The following NOS1 variants were observed in gnomAD, a reference collection of about 807,000 sequenced individuals.
NOS1 encodes NOS type I.
A neutral mutation model predicts 164.5 loss-of-function variants in NOS1; 51 were observed. The observed-to-expected ratio is 0.31, with a 90% confidence interval of 0.25 to 0.39. The LOEUF is 0.39. NOS1 is among the 10% of genes least tolerant of loss of function. The pLI is 1.00. For missense variants in NOS1, 1,362 were observed against 1,885.6 expected, an observed-to-expected ratio of 0.72 and a Z score of 5.14; for synonymous variants, 719 against 745.8, an observed-to-expected ratio of 0.96 and a Z score of 0.59.
intron 17 of NOS1, among the ~76,000 whole-genome samples, chr12:117,251,246 C>G (rs184198708): frequency 1.8e-4 from 28 of 152,234 alleles, no homozygotes; most frequent in South Asian, 2.1e-4. Flanking sequence ...CCACTAGAAC[C>G]GTGAGAAATA....
intron 1 of NOS1, among the ~76,000 whole-genome samples, chr12:117,346,622 A>G (rs373287702): frequency 2.3e-4 from 35 of 152,298 alleles, no homozygotes; most frequent in African/African-American, 8.4e-4. Context: ...CAGCAGCATC[A>G]CCTGGGAGCA....
chr12:117,252,440 A>C (rs1592952808), intron 17 of NOS1, among the ~76,000 whole-genome samples: 1 of 152,328 alleles, frequency 6.6e-6, no homozygotes, highest in Non-Finnish European at 1.5e-5. Context: ...TAAGGGAAAA[A>C]TGGGTCTGAC....
intron 15 of NOS1, among the ~76,000 whole-genome samples, chr12:117,258,720 T>C (rs1211597019): frequency 6.6e-6 from 1 of 152,144 alleles, no homozygotes; most frequent in African/African-American, 2.4e-5. Context: ...TATAAAAATA[T>C]TGTCCCCATG....
intron 9 of NOS1, among the ~76,000 whole-genome samples, chr12:117,276,961 C>A (rs935364021): frequency 2.6e-5 from 4 of 152,136 alleles, no homozygotes; most frequent in African/African-American, 9.7e-5. Context: ...GTACAGATAT[C>A]TCTTCGATAT....
rs1203554556 is a variant in NOS1, at chr12:117,330,688, G to A, written c.382C>T (p.Pro128Ser). 6.2e-7 allele frequency: 1 copy of A among 1,613,540 alleles called. No individual in the cohort carries two copies. The highest frequency in any genetic ancestry group is 1.1e-5 in the South Asian group (1 of 91,066). ...GACAGATCCACGGCTTTGGTGGGGG[G>A]ACCCAGGGGCTGTGTCACCCGGATG... ...KTIRVTQPLG[P>S]PTKAVDLSHQ... Residue 128 changes from proline (P) to serine (S), a missense_variant, in exon 2 of 29, where the codon CCC (proline) becomes TCC (serine). By Grantham distance (74) the Pro-to-Ser change is moderately conservative (BLOSUM62 -1). Coordinates refer to ENST00000317775, the MANE Select transcript of NOS1 (RefSeq NM_000620.5). This position sits in a 1 kb window ranked among gnomAD's most constrained non-coding sequence, Gnocchi z 4.6.
In NOS1 at chr12:117,331,190, C is replaced by A; in HGVS notation, c.-121G>T. ...AGAGCAGGAGCCGGGGTGACAGGTG[C>A]TGACAAGGCTTCAGCCCTCTCTGTC... On this transcript the variant is annotated 5_prime_UTR_variant, in exon 2 of 29. Coordinates refer to ENST00000317775, the MANE Select transcript of NOS1 (RefSeq NM_000620.5). 7.8e-7 allele frequency: 1 copy of A among 1,277,214 alleles called. No homozygotes were observed. The highest frequency in any genetic ancestry group is 1.1e-6 in the Non-Finnish European group (1 of 927,888). The allele number at this position is 1,277,214 out of a possible 1,614,324, so 79.1% of individuals were successfully genotyped here. A position where few individuals can be genotyped will look rare whatever the true frequency, so the allele number is the denominator to read the frequency against.
intron 4 of NOS1, 90 bp from the exon 5 acceptor site, chr12:117,288,309 G>T: frequency 1.6e-6 from 2 of 1,252,016 alleles, no homozygotes; most frequent in Admixed American, 4.1e-5. Context: ...ACTCATGGTT[G>T]AGTTTATCTG....
chr12:117,329,619 T>C (rs1875427311), intron 2 of NOS1, among the ~76,000 whole-genome samples: 1 of 152,122 alleles, frequency 6.6e-6, no homozygotes, highest in Non-Finnish European at 1.5e-5. Context: ...TTTCTCCCCA[T>C]AGAAGGAGCT....
In NOS1 at chr12:117,209,533, C is replaced by T; in HGVS notation, c.*5776G>A. The T allele has an allele frequency of 1.0e-6, 1 of 985,494 alleles. No homozygotes were observed. The allele number at this position is 985,494 out of a possible 1,614,324, so 61.0% of individuals were successfully genotyped here. A position where few individuals can be genotyped will look rare whatever the true frequency, so the allele number is the denominator to read the frequency against. On this transcript the variant is annotated 3_prime_UTR_variant, in exon 29 of 29. Transcript: ENST00000317775. ...ATTTGTTCCCGCCTGCCAGGGCCAT[C>T]TCGTTAATAACGGACTGTGTTTTGG...
chr12:117,338,278 G>A (rs1875935430), intron 1 of NOS1, among the ~76,000 whole-genome samples: 1 of 152,006 alleles, frequency 6.6e-6, no homozygotes, highest in Non-Finnish European at 1.5e-5. Context: ...ACACATGCCT[G>A]TAGTCCCAGC....
chr12:117,213,058 G>A lies in NOS1; in HGVS notation c.*2251C>T, dbSNP rs1450347857. On this transcript the variant is annotated 3_prime_UTR_variant, in exon 29 of 29. Coordinates refer to ENST00000317775, the MANE Select transcript of NOS1 (RefSeq NM_000620.5). Reference sequence around the variant, plus strand: ...ACAAAATGAGACAATGTTTCCATCTGTCTGCTACTAGAAAGGCAGGCACAT... The same window carrying A: ...ACAAAATGAGACAATGTTTCCATCTATCTGCTACTAGAAAGGCAGGCACAT... 9.1e-6 allele frequency: 9 copies of A among 985,216 alleles called. No homozygotes were observed. Among genetic ancestry groups the A allele is most frequent in the Non-Finnish European group, 1.1e-5 (9 of 829,838 alleles). The allele number at this position is 985,216 out of a possible 1,614,324, so 61.0% of individuals were successfully genotyped here.
intron 15 of NOS1, 135 bp from the exon 16 acceptor site, chr12:117,258,590 G>A (rs113128378): frequency 2.4e-6 from 2 of 847,574 alleles, no homozygotes. Context: ...GAGCGGTCAG[G>A]GGCTCAGGCT....
chr12:117,292,754 A>AACAC (rs1242338865), intron 3 of NOS1, among the ~76,000 whole-genome samples: 4 of 152,208 alleles, frequency 2.6e-5, no homozygotes, highest in Admixed American at 6.5e-5. Context: ...TCATTAATTT[A>AACAC]ACACATGTTT....
intron 2 of NOS1, among the ~76,000 whole-genome samples, chr12:117,328,689 T>A (rs1392401203): frequency 6.6e-6 from 1 of 152,186 alleles, no homozygotes; most frequent in Admixed American, 6.5e-5. Flanking sequence ...CTCAGCCGCC[T>A]GAGTAGCTGC....
intron 2 of NOS1, among the ~76,000 whole-genome samples, chr12:117,323,921 A>G (rs1364029252): frequency 1.3e-5 from 2 of 151,530 alleles, no homozygotes; most frequent in Non-Finnish European, 2.9e-5. Flanking sequence ...AGCTGGGACT[A>G]CAGGCACGCA....
intron 3 of NOS1, chr12:117,304,931 G>C (rs1169572620): frequency 1.2e-6 from 1 of 844,360 alleles, no homozygotes; most frequent in African/African-American, 1.8e-5. Flanking sequence ...TCCTGTGTTA[G>C]GAAGTTCTTC....
At position 117,215,331 on chromosome 12, in the gene NOS1, A is replaced by G; in HGVS notation, c.4290-7T>C. ...CAGTTAGGAGCTGAAAACCCTGTGG[A>G]AAGAGAAGTTGGGGGGCAGTTAGTG... On this transcript the variant is annotated splice_polypyrimidine_tract_variant and splice_region_variant and intron_variant, in intron 28 of 28. Transcript: ENST00000317775. The G allele has an allele frequency of 1.9e-6, 3 of 1,540,760 alleles. No individual in the cohort carries two copies. Among genetic ancestry groups the G allele is most frequent in the Non-Finnish European group, 2.6e-6 (3 of 1,142,270 alleles).
At chr12:117,265,551 G>T (rs772709152) in intron 11 of NOS1, 41 bp from the exon 12 acceptor site, 59 of 1,400,158 alleles carry the variant, frequency 4.2e-5, no homozygotes, top group Non-Finnish European at 5.5e-5. Context: ...GGTATGAGAA[G>T]CTGGGGTATT....
In NOS1 at chr12:117,349,543, A is replaced by T. The variant is rs1876517360; in HGVS notation, c.-421+11969T>A. On this transcript the variant is annotated intron_variant, in intron 1 of 28. Transcript: ENST00000317775. ...GATAGAGGCAATGATCACACAACACAAATGCTACTCTAAAATGGTTAATTT... is the reference window on the plus strand; with the variant it reads ...GATAGAGGCAATGATCACACAACACTAATGCTACTCTAAAATGGTTAATTT... Among the ~76,000 whole-genome samples, 2 of 152,236 alleles carry T rather than the reference A, an allele frequency of 1.3e-5. 1 individual carries two copies. The highest frequency in any genetic ancestry group is 4.1e-4 in the South Asian group (2 of 4,830).
Sources: allele counts gnomAD v4.1 joint callset (sites outside exome capture counted in the v4.1 genomes callset), GRCh38; gene constraint gnomAD v4.1.1; non-coding constraint Gnocchi (gnomAD v3.1); transcripts MANE v1.5; gene names NCBI Gene and HGNC (gene_info 2026-07-23, HGNC 2026-07-21).